Variants in PSMA1 observed in about 807,000 individuals in gnomAD.
The protein encoded by PSMA1 is proteasome subunit alpha type-1.
In PSMA1, 3 loss-of-function variants were observed where a neutral mutation model predicts 38.4. That is an observed-to-expected ratio of 0.08 (90% CI 0.04 to 0.20). The LOEUF is 0.20. PSMA1 is among the 10% of genes least tolerant of loss of function. The pLI is 1.00. For missense variants in PSMA1, 227 were observed against 325.3 expected, an observed-to-expected ratio of 0.70 and a Z score of 2.32; for synonymous variants, 101 against 107.1, an observed-to-expected ratio of 0.94 and a Z score of 0.35.
At chr11:14,609,981 G>T (rs773660946) in intron 2 of PSMA1, among the ~76,000 whole-genome samples, 19 of 152,174 alleles carry the variant, frequency 1.2e-4, no homozygotes, top group Non-Finnish European at 2.4e-4. Context: ...GTGATAGCAG[G>T]GGAGGTGACA....
Position 14,505,018 on chromosome 11 carries a change from C to A in PSMA1, c.*174G>T. 1 of 615,426 alleles carries A rather than the reference C, an allele frequency of 1.6e-6. No individual in the cohort carries two copies. Among genetic ancestry groups the A allele is most frequent in the Non-Finnish European group, 2.9e-6 (1 of 343,534 alleles). 38.1% of individuals were successfully genotyped at this position (615,426 alleles called of 1,614,324 possible). A position where few individuals can be genotyped will look rare whatever the true frequency, so the allele number is the denominator to read the frequency against. ...GACCCTTTCAAAGAAAAATGTATTC[C>A]ATTATATAGGTTTCAGTGAGGTTGC... is the stretch of plus-strand genomic sequence containing the variant. On this transcript the variant is annotated 3_prime_UTR_variant, in exon 10 of 10. Coordinates refer to ENST00000396394, the MANE Select transcript of PSMA1 (RefSeq NM_002786.4).
intron 2 of PSMA1, among the ~76,000 whole-genome samples, chr11:14,553,585 T>C (rs1365662845): frequency 3.3e-5 from 5 of 152,152 alleles, no homozygotes; most frequent in African/African-American, 1.2e-4. Context: ...ACCTTTGAGA[T>C]TGGCTTTTTT....
At chr11:14,605,476 C>T (rs1392225931) in intron 2 of PSMA1, among the ~76,000 whole-genome samples, 1 of 152,080 alleles carries the variant, frequency 6.6e-6, no homozygotes, top group Non-Finnish European at 1.5e-5. Context: ...CTCAATCGCC[C>T]AGGCTCAAGT....
chr11:14,611,417 T>C (rs1017653656), intron 1 of PSMA1, among the ~76,000 whole-genome samples: 1 of 152,190 alleles, frequency 6.6e-6, no homozygotes, highest in African/African-American at 2.4e-5. Flanking sequence ...AACAATTATA[T>C]AGCAAAAGAA....
At chr11:14,540,876 AAAAATGT>A (rs1851765959) in intron 2 of PSMA1, among the ~76,000 whole-genome samples, 1 of 152,106 alleles carries the variant, frequency 6.6e-6, no homozygotes, top group Non-Finnish European at 1.5e-5. Flanking sequence ...TCCTGGTATG[AAAAATGT>A]TATAAAGTTA....
chr11:14,514,711 C>T (rs537214995), intron 4 of PSMA1, among the ~76,000 whole-genome samples: 10 of 152,086 alleles, frequency 6.6e-5, no homozygotes, highest in Non-Finnish European at 8.8e-5. Context: ...TTTTTTAGCT[C>T]TAGAAAATCT....
Position 14,618,613 on chromosome 11 carries a change from G to A in PSMA1, c.-165-7462C>T, listed in dbSNP as rs370595183. 9.2e-5 allele frequency among the ~76,000 whole-genome samples: 14 copies of A among 152,312 alleles called. No individual in the cohort carries two copies. In the South Asian group the frequency reaches 1.4e-3, roughly 16 times the overall value. The stretch of plus-strand genomic sequence containing the variant: ...ACACAAAAATTAGTATTTTAAAGAT[G>A]TCACCAAGGCCTGGTTTTCCAAAAC... On this transcript the variant is annotated intron_variant, in intron 1 of 10. Coordinates refer to the PSMA1 transcript ENST00000418988.
chr11:14,626,688 A>G (rs1852916027), intron 1 of PSMA1, among the ~76,000 whole-genome samples: 1 of 152,206 alleles, frequency 6.6e-6, no homozygotes, highest in African/African-American at 2.4e-5. Context: ...AGGCTGTTGC[A>G]AAGTTCAAGT....
Position 14,544,032 on chromosome 11 carries a change from C to T in PSMA1, c.22-24991G>A, listed in dbSNP as rs539113128. Among the ~76,000 whole-genome samples the T allele has an allele frequency of 7.9e-5, 12 of 152,296 alleles. No individual in the cohort carries two copies. The East Asian group carries it at 2.3e-3, about 29-fold the overall frequency. The stretch of plus-strand genomic sequence containing the variant: ...AAAGAAAATATAATAACTTGTACTA[C>T]CTCAAAATAAAACTTTTTCTTTTTT... On this transcript the variant is annotated intron_variant, in intron 2 of 10. Coordinates refer to the PSMA1 transcript ENST00000418988.
intron 1 of PSMA1, among the ~76,000 whole-genome samples, chr11:14,632,814 T>C (rs974217438): frequency 1.6e-4 from 25 of 152,150 alleles, no homozygotes; most frequent in Non-Finnish European, 3.1e-4. Flanking sequence ...CAATCAGACG[T>C]AGATTTGGTC....
At chr11:14,559,690 A>G (rs1851987155) in intron 2 of PSMA1, among the ~76,000 whole-genome samples, 1 of 152,240 alleles carries the variant, frequency 6.6e-6, no homozygotes, top group Non-Finnish European at 1.5e-5. Flanking sequence ...AACTTTACAG[A>G]CAAAGATGAC....
chr11:14,598,369 G>A (rs1454736481), intron 2 of PSMA1, among the ~76,000 whole-genome samples: 1 of 152,110 alleles, frequency 6.6e-6, no homozygotes, highest in Admixed American at 6.6e-5. Context: ...CATTATTATT[G>A]TGTGGGAGTC....
chr11:14,635,782 C>G (rs190302767), intron 1 of PSMA1, among the ~76,000 whole-genome samples: 3 of 152,184 alleles, frequency 2.0e-5, no homozygotes, highest in East Asian at 1.9e-4. Context: ...CAGATAATAA[C>G]TGTTTAGTTA....
At chr11:14,627,089 A>G (rs944876603) in intron 1 of PSMA1, among the ~76,000 whole-genome samples, 4 of 152,076 alleles carry the variant, frequency 2.6e-5, no homozygotes, top group African/African-American at 7.2e-5. Context: ...CTCTTCTTAT[A>G]AGGACATAAG....
At chr11:14,614,639 G>T (rs1329824927) in intron 1 of PSMA1, among the ~76,000 whole-genome samples, 1 of 152,144 alleles carries the variant, frequency 6.6e-6, no homozygotes, top group Non-Finnish European at 1.5e-5. Flanking sequence ...TCTCAAGCTA[G>T]AAATTTGATT....
chr11:14,529,049 G>A (rs1851617861), intron 2 of PSMA1, among the ~76,000 whole-genome samples: 2 of 150,742 alleles, frequency 1.3e-5, no homozygotes, highest in African/African-American at 2.4e-5. Context: ...CTCTTCACAC[G>A]GACACATGAG....
chr11:14,643,035 G>A (rs1367806470), intron 1 of PSMA1, among the ~76,000 whole-genome samples: 1 of 152,030 alleles, frequency 6.6e-6, no homozygotes, highest in East Asian at 1.9e-4. Flanking sequence ...TGTATGACAA[G>A]GGTACAAAAT....
chr11:14,600,556 C>T (rs926274225), intron 2 of PSMA1, among the ~76,000 whole-genome samples: 3 of 152,180 alleles, frequency 2.0e-5, no homozygotes, highest in Non-Finnish European at 4.4e-5. Context: ...GAGCCAGGCA[C>T]GGAAGAGAAT....
chr11:14,537,867 C>T (rs1006313982), intron 2 of PSMA1, among the ~76,000 whole-genome samples: 1 of 151,928 alleles, frequency 6.6e-6, no homozygotes, highest in African/African-American at 2.4e-5. Flanking sequence ...CACTGCCACA[C>T]CTGGCTAACT....
Sources: gnomAD v4.1 joint callset for allele counts (sites outside exome capture counted in the v4.1 genomes callset) on GRCh38, gnomAD v4.1.1 for gene constraint, MANE v1.5 for transcripts, NCBI Gene and HGNC (gene_info 2026-07-23, HGNC 2026-07-21) for gene names.